The following KIAA0319L variants were observed in gnomAD, a reference collection of about 807,000 sequenced individuals.
KIAA0319L encodes the protein KIAA0319 like.
KIAA0319L carries 55 observed loss-of-function variants against 120.1 expected under a neutral mutation model. The observed-to-expected ratio is 0.46, with a 90% CI of 0.37 to 0.57. The LOEUF (loss-of-function observed/expected upper bound fraction) is 0.57, where lower values mean the gene tolerates loss of function less well. KIAA0319L is among the 20% of genes least tolerant of loss of function. The pLI is 0.00. For missense variants in KIAA0319L, 1,049 were observed against 1,255.3 expected (o/e 0.84, Z 2.48); for synonymous variants, 398 against 471.9 (o/e 0.84, Z 2.03).
intron 7 of KIAA0319L, 117 bp from the exon 8 acceptor site, chr1:35,462,830 T>C (rs961737118): frequency 1.3e-6 from 1 of 781,064 alleles, no homozygotes; most frequent in Non-Finnish European, 2.0e-6. Flanking sequence ...CTAGCCTTTT[T>C]GGCACCAGGG....
Position 35,466,632 on chromosome 1 carries a change from A to G in KIAA0319L, c.1177T>C (p.Tyr393His), listed in dbSNP as rs1283593271. The change falls in exon 7 of 21, where the codon TAT becomes CAT. Residue 393 changes from tyrosine to histidine, a missense_variant. Physicochemically the swap from Tyr to His is moderately conservative, Grantham distance 83. Coordinates refer to ENST00000325722, the MANE Select transcript of KIAA0319L (RefSeq NM_024874.5). ...CCTGGCTTGACTGTCACGTTCACATAGCCTTCCCCATGGGCATTTTGACCC... is the reference window on the plus strand; with the variant it reads ...CCTGGCTTGACTGTCACGTTCACATGGCCTTCCCCATGGGCATTTTGACCC... ...VEGQNAHGEG[Y>H]VNVTVKPEPR... The G allele has an allele frequency of 6.2e-7, 1 of 1,613,406 alleles. No homozygotes were observed. Among genetic ancestry groups the G allele is most frequent in the African/African-American group, 1.3e-5 (1 of 74,914 alleles).
At chr1:35,537,724 G>A (rs1646638572) in intron 2 of KIAA0319L, among the ~76,000 whole-genome samples, 1 of 150,840 alleles carries the variant, frequency 6.6e-6, no homozygotes, top group Non-Finnish European at 1.5e-5. Flanking sequence ...TTTGCTTATA[G>A]CAAATAAAAT....
At position 35,489,670 on chromosome 1, in the gene KIAA0319L, G is replaced by GTT. The variant is rs774142930; in HGVS notation, c.667-10460_667-10459dup. 1.7e-4 allele frequency among the ~76,000 whole-genome samples: 24 copies of GTT among 142,580 alleles called. No homozygotes were observed. In the South Asian group the frequency reaches 2.2e-3, roughly 13 times the overall value. 93.5% of individuals were successfully genotyped at this position (142,580 alleles called of 152,430 possible). On this transcript the variant is annotated intron_variant, in intron 3 of 20. Coordinates refer to ENST00000325722, the MANE Select transcript of KIAA0319L (RefSeq NM_024874.5). ...TGTATTCTTTGTTTTGTTTCTTTGG[G>GTT]TTTTTTTTTTTTTTGAGATGGAGTC...
intron 5 of KIAA0319L, among the ~76,000 whole-genome samples, chr1:35,471,501 G>C (rs1643621098): frequency 1.3e-5 from 2 of 152,202 alleles, no homozygotes; most frequent in South Asian, 4.1e-4. Flanking sequence ...GATGGTAGGA[G>C]ATGGCCCATT....
intron 2 of KIAA0319L, among the ~76,000 whole-genome samples, chr1:35,532,433 T>G (rs1176495647): frequency 1.3e-5 from 2 of 152,144 alleles, no homozygotes; most frequent in Non-Finnish European, 2.9e-5. Flanking sequence ...TTGTCTTAGG[T>G]GGTTAAAAGA....
intron 2 of KIAA0319L, among the ~76,000 whole-genome samples, chr1:35,528,948 C>A (rs535448000): frequency 6.6e-6 from 1 of 152,136 alleles, no homozygotes; most frequent in African/African-American, 2.4e-5. Flanking sequence ...TCCATTTGCA[C>A]GGAGTATTTT....
At chr1:35,456,823 A>G (rs1642486398) in intron 9 of KIAA0319L, among the ~76,000 whole-genome samples, 1 of 148,894 alleles carries the variant, frequency 6.7e-6, no homozygotes, top group South Asian at 2.2e-4. Flanking sequence ...AAAAAAAAGA[A>G]AAAGGAAGGA....
chr1:35,512,068 G>C (rs528380751), intron 2 of KIAA0319L, among the ~76,000 whole-genome samples: 1 of 151,304 alleles, frequency 6.6e-6, no homozygotes, highest in African/African-American at 2.4e-5. Context: ...TCAGGAGTTC[G>C]AGACCAGCCT....
At chr1:35,478,306 CA>C (rs907672678) in intron 4 of KIAA0319L, among the ~76,000 whole-genome samples, 36 of 135,610 alleles carry the variant, frequency 2.7e-4, no homozygotes, top group Middle Eastern at 3.8e-3. Flanking sequence ...TTAATGAGTA[CA>C]AAAAAAAAAG....
Position 35,434,784 on chromosome 1 carries a change from G to T in KIAA0319L, c.*110C>A. 1 of 933,798 alleles carries T rather than the reference G, an allele frequency of 1.1e-6. No homozygotes were observed. Among genetic ancestry groups the T allele is most frequent in the Non-Finnish European group, 1.6e-6 (1 of 625,314 alleles). The allele number at this position is 933,798 out of a possible 1,614,324, so 57.8% of individuals were successfully genotyped here. The stretch of plus-strand genomic sequence containing the variant: ...CCAGGGGTTCTGGTTGGGACTGTCA[G>T]GGCGAAATGACCAGCAGATGCTGGG... On this transcript the variant is annotated 3_prime_UTR_variant, in exon 21 of 21. Transcript: ENST00000325722.
At chr1:35,531,484 C>T (rs770657569) in intron 2 of KIAA0319L, among the ~76,000 whole-genome samples, 2 of 152,180 alleles carry the variant, frequency 1.3e-5, no homozygotes, top group African/African-American at 4.8e-5. Context: ...TCAAAATGGT[C>T]CTGTGTCCCA....
Position 35,454,462 on chromosome 1 carries a change from C to T in KIAA0319L, c.1680G>A (p.Gln560=). Residue 560 remains glutamine (Q), a synonymous_variant, in exon 11 of 21, where the codon CAG becomes CAA. Transcript: ENST00000325722. ...EMQGVRTPTL[Q]LSAMQEGDYT... is the part of the protein sequence containing the mutation. ...AGTCTCCTTCTTGCATCGCAGAGAG[C>T]TGTAAGGTTGGTGTTCTAACACCCT... The T allele has an allele frequency of 6.2e-7, 1 of 1,614,092 alleles. No homozygotes were observed. The highest frequency in any genetic ancestry group is 8.5e-7 in the Non-Finnish European group (1 of 1,179,968).
chr1:35,444,075 A>T (rs558930579), intron 17 of KIAA0319L, 86 bp downstream of exon 17: 2 of 1,122,402 alleles, frequency 1.8e-6, no homozygotes, highest in East Asian at 5.2e-5. Flanking sequence ...AGAGAAAAGA[A>T]GATGAAGGCC....
intron 2 of KIAA0319L, among the ~76,000 whole-genome samples, chr1:35,526,644 A>T (rs186747475): frequency 9.7e-4 from 148 of 152,068 alleles, no homozygotes; most frequent in South Asian, 5.6e-3. Flanking sequence ...ATGAGGTCTC[A>T]CTAAGTTGCT....
At chr1:35,517,338 C>T (rs80081167) in intron 2 of KIAA0319L, among the ~76,000 whole-genome samples, 1 of 152,086 alleles carries the variant, frequency 6.6e-6, no homozygotes, top group Non-Finnish European at 1.5e-5. Flanking sequence ...GCAACCAAAA[C>T]AGCATGGTAA....
At chr1:35,552,944 G>A (rs1331068171) in intron 2 of KIAA0319L, among the ~76,000 whole-genome samples, 3 of 152,082 alleles carry the variant, frequency 2.0e-5, no homozygotes, top group Admixed American at 6.6e-5. Flanking sequence ...AAAATTAGCC[G>A]GGTGTGGTGG....
At chr1:35,513,307 T>TTC (rs1645549893) in intron 2 of KIAA0319L, among the ~76,000 whole-genome samples, 1 of 124,738 alleles carries the variant, frequency 8.0e-6, no homozygotes, top group South Asian at 2.4e-4. Flanking sequence ...TTTTTTTTTT[T>TTC]CTGTCCAGTA....
At position 35,484,787 on chromosome 1, in the gene KIAA0319L, TATATATATATATATA is replaced by T. The variant is rs1343210950; in HGVS notation, c.667-5590_667-5576del. ...TTAATCATATATATATATATATATA[TATATATATATATATA>T]TATATTTTTTTTTTTATTATACTCT... is the stretch of plus-strand genomic sequence containing the variant. On this transcript the variant is annotated intron_variant, in intron 3 of 20. Coordinates refer to ENST00000325722, the MANE Select transcript of KIAA0319L (RefSeq NM_024874.5). Among the ~76,000 whole-genome samples, 632 of 66,452 alleles carry T rather than the reference TATATATATATATATA, an allele frequency of 9.5e-3. 9 individuals carry two copies. The highest frequency in any genetic ancestry group is 0.032 in the South Asian group (57 of 1,760). The allele number at this position is 66,452 out of a possible 152,430, so 43.6% of individuals were successfully genotyped here. A position where few individuals can be genotyped will look rare whatever the true frequency, so the allele number is the denominator to read the frequency against.
intron 3 of KIAA0319L, among the ~76,000 whole-genome samples, chr1:35,485,367 C>A (rs895399080): frequency 6.6e-6 from 1 of 152,088 alleles, no homozygotes; most frequent in Non-Finnish European, 1.5e-5. Context: ...AGTAGTCAGA[C>A]AATGATCTGG....
Sources: allele counts gnomAD v4.1 joint callset (sites outside exome capture counted in the v4.1 genomes callset), GRCh38; gene constraint gnomAD v4.1.1; transcripts MANE v1.5; gene names NCBI Gene and HGNC (gene_info 2026-07-23, HGNC 2026-07-21).